PTBP2: variants seen among roughly 807,000 people sequenced by gnomAD.
PTBP2 encodes polypyrimidine tract binding protein 2.
Under a neutral mutation model 61.4 loss-of-function variants are expected in PTBP2, and 13 were observed. The ratio of observed to expected loss-of-function variants is 0.21; its 90% CI spans 0.14 to 0.34. PTBP2 has a LOEUF of 0.34. Among genes scored for constraint, PTBP2 ranks in the 10% least tolerant of loss-of-function variants. The pLI, the probability that PTBP2 is intolerant of heterozygous loss-of-function variation, is 1.00. For missense variants in PTBP2, 405 were observed against 642.6 expected (o/e 0.63, Z 4.00); for synonymous variants, 215 against 218.5 (o/e 0.98, Z 0.14).
intron 2 of PTBP2, among the ~76,000 whole-genome samples, chr1:96,742,022 C>G (rs1653100464): frequency 1.3e-5 from 2 of 152,124 alleles, no homozygotes; most frequent in Non-Finnish European, 2.9e-5. Context: ...CTTTGTTTTT[C>G]AAAATTGTCT....
At chr1:96,802,152 A>G (rs1410422586) in intron 8 of PTBP2, among the ~76,000 whole-genome samples, 2 of 138,010 alleles carry the variant, frequency 1.4e-5, no homozygotes, top group Non-Finnish European at 3.1e-5. Context: ...CGGAGCTTGC[A>G]GTGAGCCGAG....
chr1:96,781,531 T>C (rs1658667387), intron 7 of PTBP2, among the ~76,000 whole-genome samples: 1 of 152,004 alleles, frequency 6.6e-6, no homozygotes, highest in Non-Finnish European at 1.5e-5. Context: ...CTGTTCCATT[T>C]GCTAATACTA....
At chr1:96,820,908 T>C (rs1408389288) in exon 14 of PTBP2, 3 of 152,210 alleles carry the variant, frequency 2.0e-5, no homozygotes, top group Admixed American at 6.5e-5. Context: ...TGTTGTGTTA[T>C]AGTATAACTG....
At chr1:96,790,460 C>A (rs1259757394) in intron 8 of PTBP2, among the ~76,000 whole-genome samples, 1 of 151,950 alleles carries the variant, frequency 6.6e-6, no homozygotes, top group Non-Finnish European at 1.5e-5. Flanking sequence ...TGGTTGCTGC[C>A]TTAATTAATT....
chr1:96,766,627 C>T (rs1323216100), intron 3 of PTBP2, among the ~76,000 whole-genome samples: 2 of 152,132 alleles, frequency 1.3e-5, no homozygotes. Flanking sequence ...AAGGAGCCCC[C>T]ATTCCCAGTT....
chr1:96,770,968 A>G, intron 5 of PTBP2, 117 bp downstream of exon 5: 1 of 841,434 alleles, frequency 1.2e-6, no homozygotes, highest in Non-Finnish European at 1.8e-6. Context: ...TTTTCTTGTT[A>G]TTTTTAAGGT....
At chr1:96,774,751 A>G (rs143054716) in intron 5 of PTBP2, among the ~76,000 whole-genome samples, 1 of 152,206 alleles carries the variant, frequency 6.6e-6, no homozygotes, top group African/African-American at 2.4e-5. Flanking sequence ...GCCAGTACGT[A>G]TCTTTCTCAA....
chr1:96,806,484 T>C (rs1384833131), intron 10 of PTBP2, 32 bp downstream of exon 10: 5 of 1,587,572 alleles, frequency 3.1e-6, no homozygotes, highest in Non-Finnish European at 4.3e-6. Context: ...ACTTTTATTA[T>C]TGATTTGATT....
rs780970647 is a variant in PTBP2, at chr1:96,813,373, C to T, written c.1564C>T (p.Leu522=). The stretch of plus-strand genomic sequence containing the variant: ...TTATAACCTTGGAGAAAACCATCAT[C>T]TGAGAGTGTCTTTCTCCAAGTCAAC... ...HNYNLGENHH[L]RVSFSKSTI is the part of the protein sequence containing the mutation. The change falls in exon 14 of 14, where the codon CTG becomes TTG. Residue 522 remains leucine (L), a synonymous_variant. Coordinates refer to ENST00000674951, the MANE Select transcript of PTBP2 (RefSeq NM_021190.4). The T allele has an allele frequency of 1.3e-6, 2 of 1,598,034 alleles. No homozygotes were observed. Among genetic ancestry groups the T allele is most frequent in the Non-Finnish European group, 1.7e-6 (2 of 1,172,544 alleles).
At chr1:96,795,491 A>T (rs1040567713) in intron 8 of PTBP2, among the ~76,000 whole-genome samples, 1 of 152,138 alleles carries the variant, frequency 6.6e-6, no homozygotes, top group African/African-American at 2.4e-5. Context: ...TGATATTTAA[A>T]ATTTTGGTTC....
intron 5 of PTBP2, among the ~76,000 whole-genome samples, chr1:96,773,048 C>T (rs896607454): frequency 6.9e-5 from 10 of 144,560 alleles, no homozygotes; most frequent in Non-Finnish European, 1.3e-4. Flanking sequence ...TGCTTGAACC[C>T]GGGGGGGTGG....
exon 14 of PTBP2, chr1:96,820,552 A>G (rs1161052571): frequency 1.3e-5 from 2 of 152,108 alleles, no homozygotes; most frequent in African/African-American, 2.4e-5. Context: ...TCAGACATCT[A>G]TTAGCATTCT....
chr1:96,767,944 G>A (rs1334932040), intron 3 of PTBP2, among the ~76,000 whole-genome samples: 1 of 152,020 alleles, frequency 6.6e-6, no homozygotes, highest in Non-Finnish European at 1.5e-5. Context: ...TCTGTACAAA[G>A]ACAACCTAAG....
chr1:96,790,726 G>T (rs1459589654), intron 8 of PTBP2, among the ~76,000 whole-genome samples: 1 of 152,096 alleles, frequency 6.6e-6, no homozygotes, highest in African/African-American at 2.4e-5. Flanking sequence ...TCTTCCCACT[G>T]TCTGCTTTAA....
intron 1 of PTBP2, among the ~76,000 whole-genome samples, chr1:96,723,041 A>G (rs1281302495): frequency 6.6e-6 from 1 of 152,208 alleles, no homozygotes; most frequent in East Asian, 1.9e-4. Context: ...GTGTTTTAAA[A>G]GGTACTAAAA....
chr1:96,722,464 G>A (rs917912623), intron 1 of PTBP2, among the ~76,000 whole-genome samples: 1 of 151,996 alleles, frequency 6.6e-6, no homozygotes, highest in Non-Finnish European at 1.5e-5. Flanking sequence ...TGCGGCGGCG[G>A]GAGGAAGGGG....
intron 8 of PTBP2, among the ~76,000 whole-genome samples, chr1:96,802,889 T>C (rs576940358): frequency 6.6e-6 from 1 of 152,356 alleles, no homozygotes; most frequent in South Asian, 2.1e-4. Flanking sequence ...TAGTCAAATA[T>C]TCTGTGCATT....
Position 96,806,961 on chromosome 1 carries a change from AAG to A in PTBP2, c.1171+5_1171+6del. 2 of 1,594,658 alleles carry A rather than the reference AAG, an allele frequency of 1.3e-6. No individual in the cohort carries two copies. Among genetic ancestry groups the A allele is most frequent in the Non-Finnish European group, 1.7e-6 (2 of 1,167,432 alleles). ...TGATGGAAACCAATCACAACTTGGT[AAG>A]ATTAAACTATGTTTTATCTATACAT... On this transcript the variant is annotated splice_donor_5th_base_variant and intron_variant, in intron 11 of 13. Coordinates refer to ENST00000674951, the MANE Select transcript of PTBP2 (RefSeq NM_021190.4).
intron 8 of PTBP2, among the ~76,000 whole-genome samples, chr1:96,798,489 C>T (rs1006810525): frequency 5.3e-5 from 8 of 152,156 alleles, no homozygotes; most frequent in South Asian, 4.1e-4. Context: ...CTAATAACTA[C>T]GAGATGTTAT....
Sources: gnomAD v4.1 joint callset for allele counts (sites outside exome capture counted in the v4.1 genomes callset) on GRCh38, gnomAD v4.1.1 for gene constraint, MANE v1.5 for transcripts, NCBI Gene and HGNC (gene_info 2026-07-23, HGNC 2026-07-21) for gene names.